Variants in TUSC3 observed in about 807,000 individuals in gnomAD.
TUSC3 encodes tumor suppressor candidate 3, also known as dolichyl-diphosphooligosaccharide--protein glycosyltransferase subunit TUSC3.
A neutral mutation model predicts 44.8 loss-of-function variants in TUSC3; 45 were observed. The ratio of observed to expected loss-of-function variants is 1.00; its 90% CI spans 0.79 to 1.29. The LOEUF (loss-of-function observed/expected upper bound fraction) is 1.29, where lower values mean the gene tolerates loss of function less well. TUSC3 is among the 50% of genes most tolerant of loss of function. The pLI, the probability that TUSC3 is intolerant of heterozygous loss-of-function variation, is 0.00. For missense variants in TUSC3, 519 were observed against 437.9 expected (o/e 1.19, Z -1.65); for synonymous variants, 212 against 152.9 (o/e 1.39, Z -2.85).
chr8:15,811,563 C>G, the TUSC3 span, among the ~76,000 whole-genome samples: 1 of 152,094 alleles, frequency 6.6e-6, no homozygotes, highest in African/African-American at 2.4e-5. Context: ...CTGGATCCAA[C>G]CAGAACTGGG....
intron 2 of TUSC3, among the ~76,000 whole-genome samples, chr8:15,514,540 G>A (rs1801188670): frequency 6.6e-6 from 1 of 152,114 alleles, no homozygotes; most frequent in South Asian, 2.1e-4. Context: ...GCTGAAAACG[G>A]AACTCCGCTT....
chr8:15,578,483 T>C (rs199865415), intron 1 of TUSC3, among the ~76,000 whole-genome samples: 12,917 of 101,686 alleles, frequency 0.13, 46 homozygotes, highest in East Asian at 0.27. Flanking sequence ...TTTTGAGATA[T>C]GTCCCATCAA....
At position 15,445,994 on chromosome 8, in the gene TUSC3, C is replaced by G. The variant is rs551916133; in HGVS notation, n.91+28689C>G. Among the ~76,000 whole-genome samples, 8 of 151,950 alleles carry G rather than the reference C, an allele frequency of 5.3e-5. 1 individual carries two copies. In the South Asian group the frequency reaches 1.0e-3, roughly 20 times the overall value. ...ATGGGGCAGCTGCCCGGCGGAGACGCTCCTCACTTCCCAGACGGGCCGGCT... is the reference window on the plus strand; with the variant it reads ...ATGGGGCAGCTGCCCGGCGGAGACGGTCCTCACTTCCCAGACGGGCCGGCT... On this transcript the variant is annotated intron_variant and non_coding_transcript_variant, in intron 1 of 5. Transcript: ENST00000503191.
At position 15,511,320 on chromosome 8, in the gene TUSC3, G is replaced by C. The variant is rs575695602; in HGVS notation, n.189+27837G>C. 2.0e-5 allele frequency among the ~76,000 whole-genome samples: 3 copies of C among 152,158 alleles called. No homozygotes were observed. In the East Asian group the frequency reaches 5.8e-4, roughly 29 times the overall value. On this transcript the variant is annotated intron_variant and non_coding_transcript_variant, in intron 2 of 5. Transcript: ENST00000503191. ...AGGAAAGGAAATCCAGATTGGAATA[G>C]AAGAAAGAGAAAGCAAAACTGTAGT...
the TUSC3 span, among the ~76,000 whole-genome samples, chr8:15,846,258 C>T: frequency 1.3e-5 from 2 of 152,172 alleles, no homozygotes; most frequent in Non-Finnish European, 2.9e-5. Flanking sequence ...GAGATTCTTG[C>T]ATTTACATAT....
intron 1 of TUSC3, among the ~76,000 whole-genome samples, chr8:15,478,320 G>A (rs1473048186): frequency 2.0e-5 from 3 of 151,970 alleles, no homozygotes; most frequent in African/African-American, 4.8e-5. Flanking sequence ...GGATGTGCAG[G>A]GTTTTTACAT....
intron 1 of TUSC3, among the ~76,000 whole-genome samples, chr8:15,431,281 A>G (rs971930186): frequency 6.7e-6 from 1 of 150,236 alleles, no homozygotes; most frequent in Non-Finnish European, 1.5e-5. Context: ...GATCACTTTG[A>G]TTAGTATGGA....
chr8:15,429,397 G>A (rs1378165614), intron 1 of TUSC3, among the ~76,000 whole-genome samples: 35 of 150,114 alleles, frequency 2.3e-4, no homozygotes, highest in Non-Finnish European at 2.2e-4. Context: ...TTGAAGTCAG[G>A]TAATGTGATG....
chr8:15,462,027 C>CA (rs1384042267), intron 1 of TUSC3, among the ~76,000 whole-genome samples: 1 of 151,942 alleles, frequency 6.6e-6, no homozygotes, highest in African/African-American at 2.4e-5. Flanking sequence ...TACTTTTGAG[C>CA]AAGTCATAAG....
chr8:15,587,290 A>G (rs907558160), intron 1 of TUSC3, among the ~76,000 whole-genome samples: 24 of 152,066 alleles, frequency 1.6e-4, no homozygotes, highest in African/African-American at 4.8e-4. Flanking sequence ...TTTTTAAAAA[A>G]CTTCTTTCTG....
the TUSC3 span, among the ~76,000 whole-genome samples, chr8:15,799,966 A>T: frequency 6.6e-6 from 1 of 152,190 alleles, no homozygotes; most frequent in Non-Finnish European, 1.5e-5. Context: ...TGGCCCCTGC[A>T]CATTCAGTAG....
chr8:15,751,970 AAATTTGAGTTGTT>A (rs1811723349), intron 9 of TUSC3, among the ~76,000 whole-genome samples: 2 of 152,186 alleles, frequency 1.3e-5, no homozygotes, highest in Admixed American at 6.5e-5. Context: ...TCTCAGTTTT[AAATTTGAGTTGTT>A]AAATGCTTTA....
chr8:15,850,142 A>G, the TUSC3 span, among the ~76,000 whole-genome samples: 1 of 148,210 alleles, frequency 6.7e-6, no homozygotes, highest in Non-Finnish European at 1.5e-5. Context: ...CTTGTTTTTC[A>G]AACATTAACT....
At chr8:15,501,215 C>A (rs1202817421) in intron 2 of TUSC3, among the ~76,000 whole-genome samples, 1 of 152,158 alleles carries the variant, frequency 6.6e-6, no homozygotes, top group Non-Finnish European at 1.5e-5. Flanking sequence ...TGAGGATTTG[C>A]TAACCAATTT....
the TUSC3 span, among the ~76,000 whole-genome samples, chr8:15,822,599 G>C: frequency 2.2e-4 from 33 of 152,256 alleles, no homozygotes; most frequent in African/African-American, 7.7e-4. Flanking sequence ...TGTGAATGAA[G>C]ATATAGAAGA....
intron 1 of TUSC3, among the ~76,000 whole-genome samples, chr8:15,448,108 C>T (rs142358830): frequency 2.2e-4 from 21 of 96,438 alleles, no homozygotes; most frequent in African/African-American, 5.7e-4. Flanking sequence ...AGTGTATATA[C>T]ATATATATAT....
At chr8:15,757,755 C>G (rs1252678395) in intron 9 of TUSC3, 36 bp from the exon 10 acceptor site, 2 of 1,473,228 alleles carry the variant, frequency 1.4e-6, no homozygotes, top group Admixed American at 3.3e-5. Context: ...ATTATTTTTT[C>G]CATATTGTTG....
the TUSC3 span, among the ~76,000 whole-genome samples, chr8:15,818,475 G>C: frequency 6.6e-6 from 1 of 152,128 alleles, no homozygotes; most frequent in Non-Finnish European, 1.5e-5. Context: ...TCTTAGATCT[G>C]TTGATTGTAC....
intron 1 of TUSC3, among the ~76,000 whole-genome samples, chr8:15,573,746 C>T (rs907377576): frequency 6.6e-6 from 1 of 152,104 alleles, no homozygotes; most frequent in African/African-American, 2.4e-5. Flanking sequence ...CTGTCTTCTG[C>T]CTCAGGGAAG....
Sources: allele counts gnomAD v4.1 joint callset (sites outside exome capture counted in the v4.1 genomes callset), GRCh38; gene constraint gnomAD v4.1.1; transcripts MANE v1.5; gene names NCBI Gene and HGNC (gene_info 2026-07-23, HGNC 2026-07-21).